GLI3: variants seen among roughly 807,000 people sequenced by gnomAD.
GLI3 encodes the protein GLI family zinc finger 3, also known as transcription activator GLI3.
GLI3 carries 20 observed loss-of-function variants against 100.8 expected under a neutral mutation model. The ratio of observed to expected loss-of-function variants is 0.20; its 90% CI spans 0.14 to 0.29. The LOEUF (loss-of-function observed/expected upper bound fraction) is 0.29, where lower values mean the gene tolerates loss of function less well. GLI3 is among the 10% of genes least tolerant of loss of function. The pLI is 1.00. For synonymous variants in GLI3, 938 were observed against 860.5 expected (o/e 1.09, Z -1.58); for missense variants, 2,040 against 2,128.5 (o/e 0.96, Z 0.82).
intron 2 of GLI3, among the ~76,000 whole-genome samples, chr7:42,190,459 G>C (rs1787804726): frequency 6.6e-6 from 1 of 152,150 alleles, no homozygotes; most frequent in South Asian, 2.1e-4. Flanking sequence ...TTAAAATCCT[G>C]ATTAAATATA....
chr7:41,977,424 CAGGGGCAGA>C (rs1192783451), intron 12 of GLI3, 125 bp downstream of exon 12: 2 of 870,060 alleles, frequency 2.3e-6, no homozygotes, highest in Admixed American at 4.0e-5. Flanking sequence ...CCTTCACCTG[CAGGGGCAGA>C]GCCCCTCATG....
At chr7:42,233,612 C>T (rs2128706380) in intron 1 of GLI3, among the ~76,000 whole-genome samples, 1 of 152,292 alleles carries the variant, frequency 6.6e-6, no homozygotes, top group East Asian at 1.9e-4. Flanking sequence ...CATTTAAAGT[C>T]TTCGCCAGTC....
chr7:42,101,343 G>A (rs1785456455), intron 3 of GLI3, among the ~76,000 whole-genome samples: 1 of 152,204 alleles, frequency 6.6e-6, no homozygotes, highest in African/African-American at 2.4e-5. Flanking sequence ...GCTCCCGCCT[G>A]TAATCCCAGC....
chr7:42,008,427 A>C (rs190911303), intron 10 of GLI3, among the ~76,000 whole-genome samples: 1 of 151,976 alleles, frequency 6.6e-6, no homozygotes, highest in Non-Finnish European at 1.5e-5. Context: ...AACTTGCAAA[A>C]CTTCTCTTCC....
intron 3 of GLI3, among the ~76,000 whole-genome samples, chr7:42,095,246 G>A (rs1055784087): frequency 6.6e-6 from 1 of 152,196 alleles, no homozygotes. Flanking sequence ...TGGAGCCTGA[G>A]AATTTGCATT....
intron 1 of GLI3, among the ~76,000 whole-genome samples, chr7:42,244,695 A>T (rs1470982239): frequency 1.3e-5 from 2 of 152,024 alleles, no homozygotes; most frequent in African/African-American, 4.8e-5. Flanking sequence ...TCAGAATAAA[A>T]CACCTTTAAA....
At chr7:41,974,577 T>C (rs2128710893) in intron 12 of GLI3, among the ~76,000 whole-genome samples, 1 of 152,302 alleles carries the variant, frequency 6.6e-6, no homozygotes, top group African/African-American at 2.4e-5. Context: ...AATAAGAAGA[T>C]GCAATGATCT....
At chr7:42,116,828 T>G (rs1360203315) in intron 3 of GLI3, among the ~76,000 whole-genome samples, 1 of 125,438 alleles carries the variant, frequency 8.0e-6, no homozygotes, top group Non-Finnish European at 1.6e-5. Context: ...ATAAGAGGTC[T>G]CATAAGAGAC....
At chr7:42,170,808 T>C (rs1787357274) in intron 2 of GLI3, among the ~76,000 whole-genome samples, 1 of 152,170 alleles carries the variant, frequency 6.6e-6, no homozygotes, top group African/African-American at 2.4e-5. Context: ...AGTATTTGCT[T>C]GAGAATTATT....
At chr7:42,008,582 T>C (rs1356395452) in intron 10 of GLI3, among the ~76,000 whole-genome samples, 2 of 152,178 alleles carry the variant, frequency 1.3e-5, no homozygotes, top group Non-Finnish European at 2.9e-5. Flanking sequence ...TAGCTGGGAC[T>C]ATAGGCGCAA....
At chr7:42,045,748 C>T (rs923809096) in intron 5 of GLI3, among the ~76,000 whole-genome samples, 1 of 152,106 alleles carries the variant, frequency 6.6e-6, no homozygotes, top group African/African-American at 2.4e-5. Context: ...AAGTGAAATG[C>T]ATTACTAAGT....
intron 2 of GLI3, among the ~76,000 whole-genome samples, chr7:42,149,666 T>TA (rs891169481): frequency 1.1e-4 from 17 of 151,556 alleles, no homozygotes; most frequent in South Asian, 6.3e-4. Context: ...ATTCCTATCT[T>TA]AAAAAAAAAC....
At chr7:42,030,652 T>G (rs1040836000) in intron 7 of GLI3, among the ~76,000 whole-genome samples, 2 of 151,914 alleles carry the variant, frequency 1.3e-5, no homozygotes, top group African/African-American at 2.4e-5. Context: ...CATGTATTCA[T>G]TCCACAATTT....
chr7:41,967,363 C>T (rs1787213201), intron 14 of GLI3, among the ~76,000 whole-genome samples: 1 of 152,072 alleles, frequency 6.6e-6, no homozygotes, highest in South Asian at 2.1e-4. Flanking sequence ...ATTTCACCAT[C>T]AGAATATGAG....
chr7:42,091,091 G>A (rs983485786), intron 3 of GLI3, among the ~76,000 whole-genome samples: 1 of 152,194 alleles, frequency 6.6e-6, no homozygotes, highest in Admixed American at 6.5e-5. Flanking sequence ...TTAATGTTAC[G>A]CGCAGTAGCC....
intron 2 of GLI3, among the ~76,000 whole-genome samples, chr7:42,214,338 A>G (rs930942663): frequency 6.6e-6 from 1 of 152,158 alleles, no homozygotes; most frequent in Non-Finnish European, 1.5e-5. Flanking sequence ...TTCAACTGTC[A>G]AGCCAGAGAG....
intron 1 of GLI3, among the ~76,000 whole-genome samples, chr7:42,254,294 G>T (rs1164059145): frequency 2.6e-5 from 4 of 151,658 alleles, no homozygotes; most frequent in Non-Finnish European, 2.9e-5. Context: ...AGATGACCTA[G>T]TTCACAGCCT....
chr7:42,216,533 T>G (rs1788381055), intron 2 of GLI3, among the ~76,000 whole-genome samples: 1 of 152,196 alleles, frequency 6.6e-6, no homozygotes, highest in Non-Finnish European at 1.5e-5. Flanking sequence ...TTGTAACAAA[T>G]GTACCACATT....
rs377437160 is a variant in GLI3 at position 42,076,887 on chromosome 7, C to T, written c.368-30G>A. ...AAAGAAGAGAGAGCCCAATCTATAT[C>T]AAATGAACACTTTCAAACAGCATTC... On this transcript the variant is annotated intron_variant, in intron 3 of 14. Coordinates refer to ENST00000395925, the MANE Select transcript of GLI3 (RefSeq NM_000168.6). 3.3e-5 allele frequency: 43 copies of T among 1,289,238 alleles called. No individual in the cohort carries two copies. The South Asian group carries it at 4.6e-4, about 14-fold the overall frequency. The allele number at this position is 1,289,238 out of a possible 1,614,324, so 79.9% of individuals were successfully genotyped here.
Sources: allele counts gnomAD v4.1 joint callset (sites outside exome capture counted in the v4.1 genomes callset), GRCh38; gene constraint gnomAD v4.1.1; transcripts MANE v1.5; gene names NCBI Gene and HGNC (gene_info 2026-07-23, HGNC 2026-07-21).